TRPM3: variants seen among roughly 807,000 people sequenced by gnomAD.
The protein encoded by TRPM3 is transient receptor potential cation channel subfamily M member 3.
In TRPM3, 77 loss-of-function variants were observed where a neutral mutation model predicts 181.2. The observed-to-expected ratio is 0.42, with a 90% CI of 0.35 to 0.51. The LOEUF (loss-of-function observed/expected upper bound fraction) is 0.51, where lower values mean the gene tolerates loss of function less well. Ranked by LOEUF, TRPM3 falls within the 20% of genes least tolerant of loss-of-function variation. The pLI, the probability that TRPM3 is intolerant of heterozygous loss-of-function variation, is 0.01. For synonymous variants in TRPM3, 745 were observed against 796.4 expected (o/e 0.94, Z 1.09); for missense variants, 1,759 against 2,196.7 (o/e 0.80, Z 3.98).
At chr9:70,870,540 C>T (rs2095766259) in intron 1 of TRPM3, among the ~76,000 whole-genome samples, 2 of 151,892 alleles carry the variant, frequency 1.3e-5, no homozygotes, top group Non-Finnish European at 1.5e-5. Flanking sequence ...AGCACTTATT[C>T]CAAAGGAATC....
At chr9:70,635,294 G>A (rs1175936084) in intron 11 of TRPM3, 33 bp from the exon 12 acceptor site, 1 of 1,603,912 alleles carries the variant, frequency 6.2e-7, no homozygotes, top group Admixed American at 1.7e-5. Flanking sequence ...AAACAGTTTT[G>A]CTAGTCAGGG....
chr9:70,696,743 T>G (rs1251491629), intron 8 of TRPM3, among the ~76,000 whole-genome samples: 2 of 152,198 alleles, frequency 1.3e-5, no homozygotes, highest in Non-Finnish European at 2.9e-5. Context: ...GATACGAGAT[T>G]ATATTTTAAC....
intron 1 of TRPM3, among the ~76,000 whole-genome samples, chr9:71,170,254 T>TGAAGG (rs1241725789): frequency 1.3e-4 from 19 of 151,768 alleles, no homozygotes; most frequent in South Asian, 8.3e-4. Context: ...AACACGAAGA[T>TGAAGG]GAAGGGAAGG....
At chr9:70,817,530 CCTAA>C (rs922919498) in intron 6 of TRPM3, among the ~76,000 whole-genome samples, 1 of 152,172 alleles carries the variant, frequency 6.6e-6, no homozygotes, top group Non-Finnish European at 1.5e-5. Context: ...GAACCTGTGT[CCTAA>C]CTAAGGCTTT....
chr9:70,857,393 C>T (rs1209052033), intron 3 of TRPM3, among the ~76,000 whole-genome samples: 2 of 152,010 alleles, frequency 1.3e-5, no homozygotes, highest in African/African-American at 2.4e-5. Context: ...ACAAAGTACT[C>T]GAAAAGGCAC....
At chr9:71,158,880 C>T (rs2076135198) in intron 1 of TRPM3, among the ~76,000 whole-genome samples, 1 of 152,072 alleles carries the variant, frequency 6.6e-6, no homozygotes, top group African/African-American at 2.4e-5. Context: ...TTGAATTTCC[C>T]TTTCTGCCTG....
intron 1 of TRPM3, among the ~76,000 whole-genome samples, chr9:71,033,757 T>C (rs540101839): frequency 1.3e-5 from 2 of 152,304 alleles, no homozygotes; most frequent in South Asian, 4.1e-4. Context: ...ATGATTATCA[T>C]ATACTTGATG....
rs1314650872 is a variant in TRPM3, at chr9:71,282,196, G to GA, written c.183+164456dup. ...GAAAGAAAGAAAGAAAGGAAAGAAA[G>GA]AATGAAAGAAAGAAAGAAAGGAAAG... On this transcript the variant is annotated intron_variant, in intron 1 of 24. Transcript: ENST00000357533. Among the ~76,000 whole-genome samples, 25 of 109,784 alleles carry GA rather than the reference G, an allele frequency of 2.3e-4. 2 individuals are homozygous for GA. The highest frequency in any genetic ancestry group is 7.2e-4 in the East Asian group (3 of 4,142). 72.0% of individuals were successfully genotyped at this position (109,784 alleles called of 152,430 possible).
At chr9:71,010,836 T>C (rs959232606) in intron 1 of TRPM3, among the ~76,000 whole-genome samples, 12 of 152,100 alleles carry the variant, frequency 7.9e-5, no homozygotes, top group Non-Finnish European at 1.3e-4. Flanking sequence ...CCCATGTTTA[T>C]TGCAGCACTA....
chr9:71,425,267 C>G lies in TRPM3; in HGVS notation c.183+21386G>C, dbSNP rs113877999. Among the ~76,000 whole-genome samples, 998 of 152,212 alleles carry G rather than the reference C, an allele frequency of 6.6e-3. 13 individuals carry two copies. Among genetic ancestry groups the G allele is most frequent in the African/African-American group, 0.023 (953 of 41,534 alleles). On this transcript the variant is annotated intron_variant, in intron 1 of 24. Transcript: ENST00000357533. ...CTGATAATACCCAGGTTAGCTCTAA[C>G]TGGGACATCTTTTTGGGTTCTAGTC...
chr9:71,168,572 A>AC (rs2076665349), intron 1 of TRPM3, among the ~76,000 whole-genome samples: 1 of 30,266 alleles, frequency 3.3e-5, no homozygotes, highest in African/African-American at 1.7e-4. Flanking sequence ...TTATTTATTT[A>AC]TTTTTGTTTT....
At chr9:71,312,925 A>AT (rs144260897) in intron 1 of TRPM3, among the ~76,000 whole-genome samples, 387 of 152,224 alleles carry the variant, frequency 2.5e-3, no homozygotes, top group African/African-American at 9.1e-3. Context: ...AGCACGAAGG[A>AT]TTTTTTGGGC....
chr9:70,851,344 A>T (rs2095222616), intron 3 of TRPM3, among the ~76,000 whole-genome samples: 1 of 152,236 alleles, frequency 6.6e-6, no homozygotes, highest in Admixed American at 6.5e-5. Context: ...ATTCATACTA[A>T]ATTAATACAG....
chr9:71,125,400 T>C (rs1222788971), upstream of TRPM3, among the ~76,000 whole-genome samples: 1 of 152,126 alleles, frequency 6.6e-6, no homozygotes, highest in African/African-American at 2.4e-5. Context: ...CCTGTGTCCA[T>C]GTGTTCTCAT....
chr9:70,946,752 A>C (rs540415543), intron 1 of TRPM3, among the ~76,000 whole-genome samples: 88 of 152,044 alleles, frequency 5.8e-4, no homozygotes, highest in Non-Finnish European at 9.7e-4. Flanking sequence ...TGGTCCCCCA[A>C]CCAAAGTATT....
At chr9:70,878,496 T>C (rs185864264) in intron 1 of TRPM3, among the ~76,000 whole-genome samples, 211 of 152,206 alleles carry the variant, frequency 1.4e-3, no homozygotes, top group African/African-American at 4.9e-3. Context: ...TTTCCTTGTA[T>C]CTGTTTTTAC....
At chr9:70,592,447 C>A (rs941688251) in intron 21 of TRPM3, among the ~76,000 whole-genome samples, 13 of 152,160 alleles carry the variant, frequency 8.5e-5, no homozygotes, top group African/African-American at 3.1e-4. Flanking sequence ...TAAATGAAGC[C>A]GATTTGCAAG....
chr9:71,121,882 T>C (rs1442601442), upstream of TRPM3, among the ~76,000 whole-genome samples: 1 of 152,184 alleles, frequency 6.6e-6, no homozygotes. Flanking sequence ...CCCTTTTGAT[T>C]TATGTGACAT....
chr9:71,252,270 A>C (rs1299286740), intron 1 of TRPM3, among the ~76,000 whole-genome samples: 1 of 152,154 alleles, frequency 6.6e-6, no homozygotes, highest in Admixed American at 6.5e-5. Flanking sequence ...GTTCCTCATA[A>C]AATCTGCTGC....
Sources: gnomAD v4.1 joint callset for allele counts (sites outside exome capture counted in the v4.1 genomes callset) on GRCh38, gnomAD v4.1.1 for gene constraint, MANE v1.5 for transcripts, NCBI Gene and HGNC (gene_info 2026-07-23, HGNC 2026-07-21) for gene names.